The following ERCC1 variants were observed in gnomAD, a reference collection of about 807,000 sequenced individuals.
The protein encoded by ERCC1 is ERCC excision repair 1, endonuclease non-catalytic subunit.
In ERCC1, 36 loss-of-function variants were observed where a neutral mutation model predicts 37.6. That is an observed-to-expected ratio of 0.96 (90% CI 0.73 to 1.26). ERCC1 has a LOEUF of 1.26. ERCC1 is among the 50% of genes most tolerant of loss of function. ERCC1 has a pLI of 0.00. For missense variants in ERCC1, 349 were observed against 376.5 expected (o/e 0.93, Z 0.60); for synonymous variants, 156 against 162.1 (o/e 0.96, Z 0.28).
chr19:45,435,652 G>A (rs568183545), intron 1 of ERCC1, among the ~76,000 whole-genome samples: 4 of 152,116 alleles, frequency 2.6e-5, no homozygotes, highest in East Asian at 3.9e-4. Flanking sequence ...ATGGGGTCTC[G>A]CTATGTTGCC....
intron 1 of ERCC1, chr19:45,436,708 T>G (rs919284920): frequency 6.6e-6 from 1 of 152,170 alleles, no homozygotes; most frequent in African/African-American, 2.4e-5. Flanking sequence ...GATCTCAAAC[T>G]CCTGGCCTTG....
At chr19:45,428,083 C>CTTCTTTTTTTT (rs1974741892), upstream of ERCC1, among the ~76,000 whole-genome samples, 1 of 116,018 alleles carries the variant, frequency 8.6e-6, no homozygotes, top group African/African-American at 3.8e-5. Context: ...TTCTTTCTTT[C>CTTCTTTTTTTT]TTTTTTTTTT....
At chr19:45,429,358 G>C (rs1205238639) in intron 1 of ERCC1, 2 of 152,422 alleles carry the variant, frequency 1.3e-5, no homozygotes, top group African/African-American at 4.8e-5. Flanking sequence ...TACTCGGGAG[G>C]CTGAGGCAGG....
chr19:45,433,148 G>A (rs1974878213), intron 1 of ERCC1, among the ~76,000 whole-genome samples: 3 of 152,134 alleles, frequency 2.0e-5, no homozygotes, highest in Admixed American at 2.0e-4. Context: ...CCAGCACTTT[G>A]GGAGAACAAG....
At position 45,414,878 on chromosome 19, in the gene ERCC1, G is replaced by A; in HGVS notation, c.685C>T (p.Gln229Ter). Residue 229 changes from glutamine (Q) to a stop codon, truncating the protein, a stop_gained, in exon 7 of 10, where the codon CAG becomes TAG. Coordinates refer to ENST00000300853, the MANE Select transcript of ERCC1 (RefSeq NM_001983.4). LOFTEE classifies it high-confidence loss of function. The part of the protein sequence containing the change: ...PADLLMEKLE[Q>*]DFVSRVTECL... Reference sequence around the variant, plus strand: ...GGCCTCACCCGGGAGACGAAGTCCTGCTCTAGCTTCTCCATCAGGAGGTCC... The same window carrying A: ...GGCCTCACCCGGGAGACGAAGTCCTACTCTAGCTTCTCCATCAGGAGGTCC... 1 of 1,613,356 alleles carries A rather than the reference G, an allele frequency of 6.2e-7. No individual in the cohort carries two copies.
At chr19:45,435,614 C>T (rs187648764) in intron 1 of ERCC1, among the ~76,000 whole-genome samples, 2 of 152,070 alleles carry the variant, frequency 1.3e-5, no homozygotes, top group Admixed American at 6.6e-5. Context: ...AGGTGTGCAC[C>T]GCCAGAGCTG....
At chr19:45,412,321 A>C (rs1264997507) in intron 9 of ERCC1, among the ~76,000 whole-genome samples, 2 of 150,726 alleles carry the variant, frequency 1.3e-5, no homozygotes, top group Non-Finnish European at 3.0e-5. Context: ...ACCACACCCA[A>C]CTAATTTTTA....
rs1287687487 is a variant in ERCC1, at chr19:45,420,491, C to T, written c.322-64G>A. 2 of 1,014,886 alleles carry T rather than the reference C, an allele frequency of 2.0e-6. No homozygotes were observed. Among genetic ancestry groups the T allele is most frequent in the African/African-American group, 3.2e-5 (2 of 61,734 alleles). 62.9% of individuals were successfully genotyped at this position (1,014,886 alleles called of 1,614,324 possible). On this transcript the variant is annotated intron_variant, in intron 3 of 9. Transcript: ENST00000300853. This position sits in a 1 kb window ranked among gnomAD's most constrained non-coding sequence, Gnocchi z 4.8. ...GACCCTTGATAACCACAGGGCCCTC[C>T]TCCACCTCTTCTTGCACCTCCTCCC...
Position 45,413,498 on chromosome 19 carries a change from A to G in ERCC1, c.843+179T>C, listed in dbSNP as rs759815021. On this transcript the variant is annotated intron_variant, in intron 9 of 9. Coordinates refer to ENST00000300853, the MANE Select transcript of ERCC1 (RefSeq NM_001983.4). ...GTCCACTTGCCCAGGCTGGTCTCCA[A>G]CTTCTGGCCTCAAGCAGTCCTCCCG... The G allele has an allele frequency of 2.9e-6, 4 of 1,384,534 alleles. No individual in the cohort carries two copies. The Admixed American group carries it at 6.8e-5, about 23-fold the overall frequency. 85.8% of individuals were successfully genotyped at this position (1,384,534 alleles called of 1,614,324 possible). A position where few individuals can be genotyped will look rare whatever the true frequency, so the allele number is the denominator to read the frequency against.
intron 1 of ERCC1, among the ~76,000 whole-genome samples, chr19:45,451,269 C>G (rs1967113441): frequency 6.6e-6 from 1 of 152,176 alleles, no homozygotes; most frequent in South Asian, 2.1e-4. Flanking sequence ...CATATCCCCC[C>G]CAAACCATCA....
Position 45,415,461 on chromosome 19 carries a change from C to T in ERCC1, c.603-501G>A, listed in dbSNP as rs28474753. On this transcript the variant is annotated intron_variant, in intron 6 of 9. Coordinates refer to ENST00000300853, the MANE Select transcript of ERCC1 (RefSeq NM_001983.4). ...ACCATCCCGACTAACATGGTGAAAC[C>T]CCATCTCTACTAAAAATACAAAAAA... 6.6e-3 allele frequency among the ~76,000 whole-genome samples: 992 copies of T among 150,954 alleles called. 8 individuals carry two copies. Among genetic ancestry groups the T allele is most frequent in the African/African-American group, 0.023 (941 of 41,062 alleles).
intron 4 of ERCC1, 82 bp from the exon 5 acceptor site, chr19:45,419,279 T>TA: frequency 1.0e-6 from 1 of 989,436 alleles, no homozygotes; most frequent in South Asian, 1.4e-5. Context: ...ACTGGAATAC[T>TA]AAGGGCTCAG....
At position 45,408,653 on chromosome 19, in the gene ERCC1, C is replaced by T. The variant is rs147330482; in HGVS notation, c.*1022G>A. On this transcript the variant is annotated 3_prime_UTR_variant, in exon 10 of 10. Transcript: ENST00000300853. ...GCTGAAAGAACCAGAGGCAGCAGGG[C>T]CTGTGGGGACAGAGCCCACAGTGGA... The T allele has an allele frequency of 5.2e-5, 84 of 1,613,654 alleles. No individual in the cohort carries two copies. The African/African-American group carries it at 1.0e-3, about 20-fold the overall frequency.
rs1041342185 is a variant in ERCC1 at position 45,409,602 on chromosome 19, C to A, written c.*73G>T. The A allele has an allele frequency of 6.3e-7, 1 of 1,577,692 alleles. No homozygotes were observed. Among genetic ancestry groups the A allele is most frequent in the Non-Finnish European group, 8.6e-7 (1 of 1,158,176 alleles). Reference sequence around the variant, plus strand: ...AATCCCTCCCCAGAGACTGCACCAGCGCAGCCAGCAGGAGCCTGGCCTGGG... The same window carrying A: ...AATCCCTCCCCAGAGACTGCACCAGAGCAGCCAGCAGGAGCCTGGCCTGGG... On this transcript the variant is annotated 3_prime_UTR_variant, in exon 10 of 10. Transcript: ENST00000300853.
rs1224228616 is a variant in ERCC1 at position 45,420,445 on chromosome 19, G to A, written c.322-18C>T. The A allele has an allele frequency of 6.5e-7, 1 of 1,543,512 alleles. No homozygotes were observed. Among genetic ancestry groups the A allele is most frequent in the Non-Finnish European group, 8.9e-7 (1 of 1,118,928 alleles). ...TTGCCCCTCTGGGGAGGGACGAAGG[G>A]CAGAAGCCATCAATAGGGATGACCC... On this transcript the variant is annotated intron_variant, in intron 3 of 9. Transcript: ENST00000300853. This position sits in a 1 kb window ranked among gnomAD's most constrained non-coding sequence, Gnocchi z 4.8.
At chr19:45,451,317 G>A (rs776268529) in intron 1 of ERCC1, among the ~76,000 whole-genome samples, 9 of 152,158 alleles carry the variant, frequency 5.9e-5, no homozygotes, top group Non-Finnish European at 1.3e-4. Context: ...TCGCTGGCCT[G>A]CCGTTTCTGC....
chr19:45,411,381 T>C (rs1312413691), intron 9 of ERCC1, among the ~76,000 whole-genome samples: 1 of 152,014 alleles, frequency 6.6e-6, no homozygotes, highest in Admixed American at 6.6e-5. Context: ...CTGTTTTCCA[T>C]AGTGGTTGTA....
intron 1 of ERCC1, among the ~76,000 whole-genome samples, chr19:45,435,655 A>C (rs1974956553): frequency 6.6e-6 from 1 of 151,666 alleles, no homozygotes; most frequent in Non-Finnish European, 1.5e-5. Context: ...GGGTCTCGCT[A>C]TGTTGCCCAG....
intron 5 of ERCC1, among the ~76,000 whole-genome samples, chr19:45,417,546 A>G (rs1974138395): frequency 1.3e-5 from 2 of 152,064 alleles, no homozygotes; most frequent in Admixed American, 6.6e-5. Flanking sequence ...TTCGCTCCCT[A>G]CGGGAGAGAG....
Sources: allele counts gnomAD v4.1 joint callset (sites outside exome capture counted in the v4.1 genomes callset), GRCh38; gene constraint gnomAD v4.1.1; non-coding constraint Gnocchi (gnomAD v3.1); transcripts MANE v1.5; gene names NCBI Gene and HGNC (gene_info 2026-07-23, HGNC 2026-07-21).